The following DLC1 variants were observed in gnomAD, a reference collection of about 807,000 sequenced individuals.
The protein encoded by DLC1 is DLC1 Rho GTPase activating protein.
In DLC1, 54 loss-of-function variants were observed where a neutral mutation model predicts 140.3. That is an observed-to-expected ratio of 0.38 (90% CI 0.31 to 0.48). The LOEUF (loss-of-function observed/expected upper bound fraction) is 0.48. Ranked by LOEUF, DLC1 falls within the 20% of genes least tolerant of loss-of-function variation. The pLI, the probability that DLC1 is intolerant of heterozygous loss-of-function variation, is 0.96. For synonymous variants in DLC1, 986 were observed against 728.1 expected (o/e 1.35, Z -5.70); for missense variants, 2,536 against 1,907.0 (o/e 1.33, Z -6.14).
At chr8:13,458,753 C>T (rs528667373) in intron 2 of DLC1, among the ~76,000 whole-genome samples, 1 of 152,118 alleles carries the variant, frequency 6.6e-6, no homozygotes, top group Admixed American at 6.6e-5. Flanking sequence ...TTTGGGGACA[C>T]TGTCACTACT....
intron 2 of DLC1, among the ~76,000 whole-genome samples, chr8:13,444,357 G>C (rs1798682452): frequency 6.6e-6 from 1 of 152,146 alleles, no homozygotes; most frequent in African/African-American, 2.4e-5. Flanking sequence ...TAGATGACAA[G>C]TTGATGGGTG....
At chr8:13,277,899 A>G (rs138099192) in intron 5 of DLC1, among the ~76,000 whole-genome samples, 11 of 152,288 alleles carry the variant, frequency 7.2e-5, no homozygotes, top group African/African-American at 2.6e-4. Flanking sequence ...TTCAACCCAC[A>G]CTGATCTCCT....
At chr8:13,554,504 A>G (rs1803974258) in intron 1 of DLC1, among the ~76,000 whole-genome samples, 2 of 152,112 alleles carry the variant, frequency 1.3e-5, no homozygotes, top group Admixed American at 1.3e-4. Context: ...TCCAAAAGCT[A>G]CACTTCCAGG....
chr8:13,150,683 C>A (rs1035917562), intron 5 of DLC1, among the ~76,000 whole-genome samples: 1 of 152,176 alleles, frequency 6.6e-6, no homozygotes, highest in Non-Finnish European at 1.5e-5. Context: ...TAAACACTTT[C>A]CCCCTGAACT....
At position 13,156,075 on chromosome 8, in the gene DLC1, C is replaced by T. The variant is rs1003040607; in HGVS notation, c.1349-40418G>A. Among the ~76,000 whole-genome samples the T allele has an allele frequency of 2.6e-5, 4 of 152,238 alleles. No homozygotes were observed. The East Asian group carries it at 7.7e-4, about 29-fold the overall frequency. On this transcript the variant is annotated intron_variant, in intron 5 of 17. Transcript: ENST00000276297. ...ACAATTTATTTTCTTGTTGCTTAATCAGCAAGGTACATCAACCCATCAAAC... is the reference window on the plus strand; with the variant it reads ...ACAATTTATTTTCTTGTTGCTTAATTAGCAAGGTACATCAACCCATCAAAC...
At chr8:13,282,235 C>G (rs555806800) in intron 5 of DLC1, among the ~76,000 whole-genome samples, 7 of 152,198 alleles carry the variant, frequency 4.6e-5, no homozygotes, top group Non-Finnish European at 1.0e-4. Context: ...GAACATCTCT[C>G]TCTGGAGCTG....
intron 2 of DLC1, among the ~76,000 whole-genome samples, chr8:13,437,766 C>A (rs1365898988): frequency 4.6e-5 from 7 of 152,104 alleles, no homozygotes; most frequent in African/African-American, 1.7e-4. Flanking sequence ...TATGAAATTC[C>A]CTGCCAGCAA....
chr8:13,469,575 G>A (rs1800110900), intron 2 of DLC1, among the ~76,000 whole-genome samples: 1 of 152,054 alleles, frequency 6.6e-6, no homozygotes, highest in Admixed American at 6.5e-5. Context: ...TCAAATCGCA[G>A]GAATTATAGA....
chr8:13,560,456 AC>A (rs35578909), intron 1 of DLC1, among the ~76,000 whole-genome samples: 41,849 of 152,048 alleles, frequency 0.28, 5,905 homozygotes, highest in East Asian at 0.33. Flanking sequence ...AAATAAAGAT[AC>A]TTCTTAATGA....
At chr8:13,209,943 C>T (rs1396152619) in intron 5 of DLC1, among the ~76,000 whole-genome samples, 10 of 152,094 alleles carry the variant, frequency 6.6e-5, no homozygotes, top group Admixed American at 6.6e-4. Flanking sequence ...GACAGCCTAA[C>T]ACACCCTGTA....
At chr8:13,140,024 C>T (rs1822857827) in intron 5 of DLC1, among the ~76,000 whole-genome samples, 2 of 152,144 alleles carry the variant, frequency 1.3e-5, no homozygotes, top group Admixed American at 6.5e-5. Flanking sequence ...TTTCATCATC[C>T]CCACCTGAAG....
At chr8:13,241,442 C>T (rs185655664) in intron 5 of DLC1, among the ~76,000 whole-genome samples, 1 of 152,242 alleles carries the variant, frequency 6.6e-6, no homozygotes, top group Non-Finnish European at 1.5e-5. Flanking sequence ...TCCTTTTCCT[C>T]AGTTTCTGGT....
At chr8:13,569,254 T>C (rs570045364) in intron 1 of DLC1, among the ~76,000 whole-genome samples, 2 of 152,278 alleles carry the variant, frequency 1.3e-5, no homozygotes, top group East Asian at 3.9e-4. Context: ...ACCTGAATTA[T>C]CTCAGTGAAA....
chr8:13,289,408 T>C (rs1056230893), intron 5 of DLC1, among the ~76,000 whole-genome samples: 5 of 152,200 alleles, frequency 3.3e-5, no homozygotes, highest in African/African-American at 1.2e-4. Context: ...CCCAGGCAGG[T>C]ATAAAACTCA....
At chr8:13,166,568 A>G (rs1025229794) in intron 5 of DLC1, among the ~76,000 whole-genome samples, 5 of 152,234 alleles carry the variant, frequency 3.3e-5, no homozygotes, top group African/African-American at 1.2e-4. Context: ...CTCGAACTCA[A>G]GTGATCCACC....
At chr8:13,157,322 C>A (rs1018885703) in intron 5 of DLC1, among the ~76,000 whole-genome samples, 3 of 151,986 alleles carry the variant, frequency 2.0e-5, no homozygotes, top group African/African-American at 7.3e-5. Context: ...AGAGAAAGTA[C>A]AGGAGCAAAA....
intron 2 of DLC1, among the ~76,000 whole-genome samples, chr8:13,448,657 C>T (rs973317112): frequency 3.3e-5 from 5 of 152,142 alleles, no homozygotes; most frequent in African/African-American, 1.2e-4. Flanking sequence ...CCGCACCCAG[C>T]CTCCTAAAAT....
At chr8:13,476,927 A>G (rs927601091) in intron 2 of DLC1, among the ~76,000 whole-genome samples, 4 of 152,192 alleles carry the variant, frequency 2.6e-5, no homozygotes, top group African/African-American at 7.2e-5. Flanking sequence ...CAGCACAGTA[A>G]GTGAATTTTT....
intron 5 of DLC1, among the ~76,000 whole-genome samples, chr8:13,253,745 G>A (rs1024020366): frequency 6.6e-6 from 1 of 152,154 alleles, no homozygotes; most frequent in African/African-American, 2.4e-5. Context: ...CTTAGGAAGA[G>A]GAGGAATTCA....
Sources: allele counts gnomAD v4.1 joint callset (sites outside exome capture counted in the v4.1 genomes callset), GRCh38; gene constraint gnomAD v4.1.1; transcripts MANE v1.5; gene names NCBI Gene and HGNC (gene_info 2026-07-23, HGNC 2026-07-21).